Variants in PRRC2C observed in about 807,000 individuals in gnomAD.
PRRC2C encodes the protein proline rich coiled-coil 2C.
In PRRC2C, 72 loss-of-function variants were observed where a neutral mutation model predicts 317.2. The observed-to-expected ratio is 0.23, with a 90% CI of 0.19 to 0.28. PRRC2C has a LOEUF of 0.28. Ranked by LOEUF, PRRC2C falls within the 10% of genes least tolerant of loss-of-function variation. The pLI, the probability that PRRC2C is intolerant of heterozygous loss-of-function variation, is 1.00. For synonymous variants in PRRC2C, 1,296 were observed against 1,205.9 expected, an observed-to-expected ratio of 1.07 and a Z score of -1.55; for missense variants, 3,074 against 3,459.7, an observed-to-expected ratio of 0.89 and a Z score of 2.80.
In PRRC2C at chr1:171,541,163, A is replaced by G. The variant is rs200725688; in HGVS notation, c.3697A>G (p.Ile1233Val). 1.2e-6 allele frequency: 2 copies of G among 1,613,496 alleles called. No individual in the cohort carries two copies. Among genetic ancestry groups the G allele is most frequent in the Non-Finnish European group, 1.7e-6 (2 of 1,179,748 alleles). Reference sequence around the variant, plus strand: ...AGACAATAAGCCAAGAGCAGAGCATATACCCTCAGGGCCTCTCAGACAGCG... The same window carrying G: ...AGACAATAAGCCAAGAGCAGAGCATGTACCCTCAGGGCCTCTCAGACAGCG... ...YRDNKPRAEH[I>V]PSGPLRQREE... The change falls in exon 16 of 35, where the codon ATA becomes GTA. Residue 1233 changes from isoleucine (I) to valine (V), a missense_variant. Physicochemically the swap from Ile to Val is conservative, Grantham distance 29. Coordinates refer to ENST00000647382, the MANE Select transcript of PRRC2C (RefSeq NM_001387844.1). The surrounding 1 kb of genome is among the most constrained non-coding windows in gnomAD (Gnocchi z 4.1).
chr1:171,584,074 C>T lies in PRRC2C; in HGVS notation c.7528C>T (p.Leu2510Phe). Reference sequence around the variant, plus strand: ...AGAACTTGCCAAGGCACAATCCGGTCTTGCCTTTCAGCAAACATCAAATAC... The same window carrying T: ...AGAACTTGCCAAGGCACAATCCGGTTTTGCCTTTCAGCAAACATCAAATAC... Reference protein sequence around the residue: ...HQELAKAQSGLAFQQTSNTQP... With the variant: ...HQELAKAQSGFAFQQTSNTQP... Residue 2510 changes from leucine (L) to phenylalanine (F), a missense_variant, in exon 29 of 35, where the codon CTT becomes TTT. Physicochemically the swap from Leu to Phe is conservative, Grantham distance 22 (BLOSUM62 0). Around this residue, in one of 11 missense-constraint regions of PRRC2C, gnomAD observed 490 missense variants for 663.1 expected, o/e 0.74. Transcript: ENST00000647382. 6.2e-7 allele frequency: 1 copy of T among 1,613,908 alleles called. No individual in the cohort carries two copies. Among genetic ancestry groups the T allele is most frequent in the Non-Finnish European group, 8.5e-7 (1 of 1,179,784 alleles).
intron 6 of PRRC2C, 103 bp downstream of exon 6, chr1:171,517,917 A>G (rs534474535): frequency 1.1e-6 from 1 of 901,004 alleles, no homozygotes; most frequent in East Asian, 2.7e-5. Context: ...GTTTTCATTA[A>G]CATCTAACTA....
At chr1:171,589,654 A>G (rs1235669705) in intron 34 of PRRC2C, 49 bp downstream of exon 34, 6 of 1,213,142 alleles carry the variant, frequency 4.9e-6, no homozygotes, top group South Asian at 3.8e-5. Flanking sequence ...TCTCTGAACC[A>G]TGTCTTAAAA....
chr1:171,536,111 G>A lies in PRRC2C; in HGVS notation c.2126G>A (p.Ser709Asn), dbSNP rs1676784935. Residue 709 changes from serine (S) to asparagine (N), a missense_variant, in exon 14 of 35, where the codon AGT becomes AAT. By Grantham distance (46) the Ser-to-Asn change is conservative (BLOSUM62 1). Coordinates refer to ENST00000647382, the MANE Select transcript of PRRC2C (RefSeq NM_001387844.1). ...PQTVPSQPSS[S>N]TVPPPPHRPL... Reference sequence around the variant, plus strand: ...ACTGTTCCTTCACAACCGTCCAGTAGTACTGTCCCTCCTCCACCACACAGA... The same window carrying A: ...ACTGTTCCTTCACAACCGTCCAGTAATACTGTCCCTCCTCCACCACACAGA... 2 of 1,569,006 alleles carry A rather than the reference G, an allele frequency of 1.3e-6. No individual in the cohort carries two copies. The highest frequency in any genetic ancestry group is 1.9e-5 in the Admixed American group (1 of 52,512).
At chr1:171,577,326 C>T (rs572353526) in intron 25 of PRRC2C, 108 bp from the exon 26 acceptor site, 4 of 933,100 alleles carry the variant, frequency 4.3e-6, no homozygotes, top group African/African-American at 1.6e-5. Context: ...TATATAAGTA[C>T]GTGATGGGTA....
rs114418902 is a variant in PRRC2C, at chr1:171,503,013, C to T, written c.-57-9019C>T. Among the ~76,000 whole-genome samples, 746 of 152,234 alleles carry T rather than the reference C, an allele frequency of 4.9e-3. 4 individuals carry two copies. Among genetic ancestry groups the T allele is most frequent in the African/African-American group, 0.017 (688 of 41,546 alleles). On this transcript the variant is annotated intron_variant, in intron 1 of 34. Transcript: ENST00000647382. ...GCTGGGATTACAGCATGAGCCACCG[C>T]GCCAAGCCGACTTTGGTTTTGTTAT...
rs988139281 is a variant in PRRC2C, at chr1:171,513,190, A to G, written c.290+18A>G. Reference sequence around the variant, plus strand: ...GAAGAAAAGTGAGTCAAAGTCTGTTAAAGAATGAAGCCCTTCCCCTTTCTT... The same window carrying G: ...GAAGAAAAGTGAGTCAAAGTCTGTTGAAGAATGAAGCCCTTCCCCTTTCTT... On this transcript the variant is annotated intron_variant, in intron 3 of 34. Coordinates refer to ENST00000647382, the MANE Select transcript of PRRC2C (RefSeq NM_001387844.1). The G allele has an allele frequency of 1.9e-6, 3 of 1,596,556 alleles. No individual in the cohort carries two copies. Among genetic ancestry groups the G allele is most frequent in the Non-Finnish European group, 2.6e-6 (3 of 1,171,618 alleles).
intron 20 of PRRC2C, among the ~76,000 whole-genome samples, chr1:171,564,616 A>G (rs1266295557): frequency 6.6e-6 from 1 of 152,214 alleles, no homozygotes; most frequent in Non-Finnish European, 1.5e-5. Flanking sequence ...TCATTGTGTG[A>G]ACATCATAGA....
At chr1:171,568,392 T>C (rs1684078287) in intron 23 of PRRC2C, 53 bp downstream of exon 23, 1 of 1,549,500 alleles carries the variant, frequency 6.5e-7, no homozygotes, top group Non-Finnish European at 8.7e-7. Context: ...TGGCTATTAT[T>C]ATCAAGCACA....
At chr1:171,497,363 G>T (rs1668316268) in intron 1 of PRRC2C, among the ~76,000 whole-genome samples, 1 of 152,164 alleles carries the variant, frequency 6.6e-6, no homozygotes, top group African/African-American at 2.4e-5. Context: ...AGCTCTGTGT[G>T]TTTTGAGCAA....
In PRRC2C at chr1:171,566,369, C is replaced by T. The variant is rs1292147721; in HGVS notation, c.6254C>T (p.Pro2085Leu). Residue 2085 changes from proline (P) to leucine (L), a missense_variant, in exon 21 of 35, where the codon CCT (proline) becomes CTT (leucine). This residue lies in a region of PRRC2C where 640 missense variants were observed against 676.1 expected (regional missense o/e 0.95). Transcript: ENST00000647382. ...AAATCTGCTGACAAAATACCTGAAC[C>T]TAAAGAACAGCGGCAGAAGCAGCCA... ...SEKSADKIPE[P>L]KEQRQKQPRA... is the part of the protein sequence containing the mutation. 6.3e-7 allele frequency: 1 copy of T among 1,594,354 alleles called. No individual in the cohort carries two copies. The highest frequency in any genetic ancestry group is 8.5e-7 in the Non-Finnish European group (1 of 1,170,188).
At chr1:171,526,018 A>G (rs950578641) in intron 10 of PRRC2C, among the ~76,000 whole-genome samples, 1 of 152,220 alleles carries the variant, frequency 6.6e-6, no homozygotes, top group Admixed American at 6.5e-5. Flanking sequence ...TAACATTTTA[A>G]TAACTTTTTT....
At chr1:171,567,122 A>T (rs1683810744) in intron 22 of PRRC2C, among the ~76,000 whole-genome samples, 1 of 152,226 alleles carries the variant, frequency 6.6e-6, no homozygotes, top group Non-Finnish European at 1.5e-5. Flanking sequence ...ACTTTGAAAG[A>T]TGGCTCTATA....
rs553055430 is a variant in PRRC2C, at chr1:171,544,296, G to A, written c.4764-1183G>A. 5.3e-5 allele frequency among the ~76,000 whole-genome samples: 8 copies of A among 152,124 alleles called. No homozygotes were observed. In the South Asian group the frequency reaches 1.7e-3, roughly 32 times the overall value. ...ACACTACCATGCCCGGCTAATTTTT[G>A]TATTTTTAGAAGAGACAGGGATTCG... On this transcript the variant is annotated intron_variant, in intron 16 of 34. Coordinates refer to ENST00000647382, the MANE Select transcript of PRRC2C (RefSeq NM_001387844.1).
At chr1:171,506,439 T>G (rs1571640120) in intron 1 of PRRC2C, among the ~76,000 whole-genome samples, 2 of 152,280 alleles carry the variant, frequency 1.3e-5, no homozygotes, top group South Asian at 2.1e-4. Flanking sequence ...TCACGTTTCT[T>G]AGACTTGGGC....
In PRRC2C at chr1:171,557,935, A is replaced by G; in HGVS notation, c.5823A>G (p.Pro1941=). 1 of 1,585,328 alleles carries G rather than the reference A, an allele frequency of 6.3e-7. No homozygotes were observed. Residue 1941 remains proline (P), a synonymous_variant, in exon 19 of 35, where the codon CCA becomes CCG. Transcript: ENST00000647382. ...PAQTQAQTHK[P]VQNPLQTTSQ... ...AGACTCAGGCACAGACCCACAAACC[A>G]GTCCAGAATCCACTACAGACTACAT...
chr1:171,558,380 G>GC (rs1349096535), intron 19 of PRRC2C, among the ~76,000 whole-genome samples: 1 of 140,962 alleles, frequency 7.1e-6, no homozygotes, highest in Admixed American at 6.8e-5. Flanking sequence ...GCAATGTTTG[G>GC]GGGGGTCTTG....
intron 20 of PRRC2C, 127 bp downstream of exon 20, chr1:171,561,230 G>T (rs1682643182): frequency 1.1e-6 from 1 of 903,248 alleles, no homozygotes; most frequent in Non-Finnish European, 1.8e-6. Flanking sequence ...GGGAGTTTGA[G>T]ACCAGCCTGG....
Position 171,542,016 on chromosome 1 carries a change from A to G in PRRC2C, c.4550A>G (p.Lys1517Arg). 3.1e-6 allele frequency: 5 copies of G among 1,613,900 alleles called. No individual in the cohort carries two copies. Among genetic ancestry groups the G allele is most frequent in the Non-Finnish European group, 3.4e-6 (4 of 1,179,886 alleles). Reference sequence around the variant, plus strand: ...GAGAGGCGAGAGAGGGATGAAAAAAAAAATGCTGACTTGAATGCACAAACA... The same window carrying G: ...GAGAGGCGAGAGAGGGATGAAAAAAGAAATGCTGACTTGAATGCACAAACA... ...FNERRERDEK[K>R]NADLNAQTVV... The change falls in exon 16 of 35, where the codon AAA (lysine) becomes AGA (arginine). Residue 1517 changes from lysine to arginine, a missense_variant. This residue lies in a region of PRRC2C where 178 missense variants were observed against 163.0 expected (regional missense o/e 1.09). Coordinates refer to ENST00000647382, the MANE Select transcript of PRRC2C (RefSeq NM_001387844.1).
Sources: allele counts gnomAD v4.1 joint callset (sites outside exome capture counted in the v4.1 genomes callset), GRCh38; gene constraint gnomAD v4.1.1; regional missense constraint gnomAD v4.1.1; non-coding constraint Gnocchi (gnomAD v3.1); transcripts MANE v1.5; gene names NCBI Gene and HGNC (gene_info 2026-07-23, HGNC 2026-07-21).